The following KDM5A variants were observed in gnomAD, a reference collection of about 807,000 sequenced individuals.
KDM5A encodes lysine demethylase 5A.
KDM5A carries 42 observed loss-of-function variants against 193.5 expected under a neutral mutation model. The ratio of observed to expected loss-of-function variants is 0.22; its 90% confidence interval spans 0.17 to 0.28. The LOEUF is 0.28. Ranked by LOEUF, KDM5A falls within the 10% of genes least tolerant of loss-of-function variation. The pLI is 1.00. For missense variants in KDM5A, 1,692 were observed against 2,055.1 expected, an observed-to-expected ratio of 0.82 and a Z score of 3.42; for synonymous variants, 796 against 718.1, an observed-to-expected ratio of 1.11 and a Z score of -1.73.
In KDM5A at chr12:293,235, A is replaced by C. The variant is rs181031981; in HGVS notation, c.4456-66T>G. On this transcript the variant is annotated intron_variant, in intron 26 of 27. Coordinates refer to ENST00000399788, the MANE Select transcript of KDM5A (RefSeq NM_001042603.3). ...AGTTAAAAAACAGTATTACTCTCTTATATGAGGTACCTAGAATAGACACAT... is the reference window on the plus strand; with the variant it reads ...AGTTAAAAAACAGTATTACTCTCTTCTATGAGGTACCTAGAATAGACACAT... 3.7e-6 allele frequency: 5 copies of C among 1,351,668 alleles called. No individual in the cohort carries two copies. The East Asian group carries it at 1.2e-4, about 31-fold the overall frequency. 83.7% of individuals were successfully genotyped at this position (1,351,668 alleles called of 1,614,324 possible). A position where few individuals can be genotyped will look rare whatever the true frequency, so the allele number is the denominator to read the frequency against.
intron 10 of KDM5A, among the ~76,000 whole-genome samples, chr12:345,959 A>C (rs1944068124): frequency 6.6e-6 from 1 of 152,196 alleles, no homozygotes. Flanking sequence ...AACCTTCAAA[A>C]CATCAATTAA....
intron 26 of KDM5A, 23 bp downstream of exon 26, chr12:295,550 T>TATTTA (rs1158058494): frequency 1.9e-6 from 3 of 1,605,494 alleles, no homozygotes; most frequent in Non-Finnish European, 1.7e-6. Flanking sequence ...TAACCACTGT[T>TATTTA]TAAATAAGTA....
At chr12:311,218 G>A in intron 20 of KDM5A, 154 bp from the exon 21 acceptor site, 1 of 693,254 alleles carries the variant, frequency 1.4e-6, no homozygotes, top group South Asian at 1.8e-5. Context: ...AACTTCCAAT[G>A]TCCTATTTTT....
At chr12:359,544 A>G (rs1054216684) in intron 5 of KDM5A, among the ~76,000 whole-genome samples, 1 of 151,338 alleles carries the variant, frequency 6.6e-6, no homozygotes, top group African/African-American at 2.4e-5. Context: ...TCGAGCCCAG[A>G]GACCAACCTG....
rs771403046 is a variant in KDM5A, at chr12:389,251, C to A, written c.-160G>T. The stretch of plus-strand genomic sequence containing the variant: ...AAACCCCAGAATCGCTTCCTCCTCC[C>A]GTTTGTTATTGTTTCTTGCAAGGCT... On this transcript the variant is annotated 5_prime_UTR_variant, in exon 1 of 28. Transcript: ENST00000399788. The A allele has an allele frequency of 2.1e-5, 16 of 767,094 alleles. No individual in the cohort carries two copies. The highest frequency in any genetic ancestry group is 3.2e-5 in the Non-Finnish European group (14 of 437,314). The allele number at this position is 767,094 out of a possible 1,614,324, so 47.5% of individuals were successfully genotyped here. A position where few individuals can be genotyped will look rare whatever the true frequency, so the allele number is the denominator to read the frequency against.
At chr12:375,179 T>G (rs1410632522) in intron 3 of KDM5A, among the ~76,000 whole-genome samples, 1 of 152,226 alleles carries the variant, frequency 6.6e-6, no homozygotes, top group African/African-American at 2.4e-5. Flanking sequence ...GTTTTCCAGC[T>G]TGGTTCCATT....
intron 10 of KDM5A, among the ~76,000 whole-genome samples, chr12:339,741 G>C (rs558114319): frequency 6.4e-4 from 98 of 152,182 alleles, no homozygotes; most frequent in African/African-American, 2.2e-3. Flanking sequence ...AAATAATACA[G>C]GCCGCCAGCC....
chr12:325,321 A>G lies in KDM5A; in HGVS notation c.1969-1540T>C, dbSNP rs557622715. Among the ~76,000 whole-genome samples, 7 of 152,360 alleles carry G rather than the reference A, an allele frequency of 4.6e-5. No individual in the cohort carries two copies. The East Asian group carries it at 1.3e-3, about 29-fold the overall frequency. ...AACTGAGACACTTCTGGCTGCTTCA[A>G]GAAATTTTATACCATTTCCCAAAGT... On this transcript the variant is annotated intron_variant, in intron 14 of 27. Coordinates refer to ENST00000399788, the MANE Select transcript of KDM5A (RefSeq NM_001042603.3).
intron 3 of KDM5A, among the ~76,000 whole-genome samples, chr12:377,245 A>T (rs1944517942): frequency 6.6e-6 from 1 of 152,208 alleles, no homozygotes; most frequent in South Asian, 2.1e-4. Flanking sequence ...AGGTAAGTAA[A>T]CTAAAGGACC....
chr12:306,133 A>C (rs1476452690), intron 24 of KDM5A, among the ~76,000 whole-genome samples: 2 of 151,914 alleles, frequency 1.3e-5, no homozygotes, highest in Admixed American at 1.3e-4. Flanking sequence ...TACCACACCC[A>C]ACTAATTTTT....
intron 3 of KDM5A, among the ~76,000 whole-genome samples, chr12:374,396 C>A (rs1003950702): frequency 6.6e-6 from 1 of 152,244 alleles, no homozygotes; most frequent in East Asian, 1.9e-4. Context: ...AGGATTGCAA[C>A]CCCTGCCTTT....
chr12:381,913 C>A (rs1944577950), intron 3 of KDM5A, among the ~76,000 whole-genome samples: 1 of 152,202 alleles, frequency 6.6e-6, no homozygotes, highest in African/African-American at 2.4e-5. Flanking sequence ...CTCAAGCAAT[C>A]CTCCTGCCTC....
At chr12:342,924 T>C (rs1273987073) in intron 10 of KDM5A, among the ~76,000 whole-genome samples, 1 of 152,064 alleles carries the variant, frequency 6.6e-6, no homozygotes, top group African/African-American at 2.4e-5. Flanking sequence ...CTGGGACTGC[T>C]TGGACAGTGG....
chr12:319,134 G>C (rs1943685230), intron 18 of KDM5A, among the ~76,000 whole-genome samples: 1 of 152,194 alleles, frequency 6.6e-6, no homozygotes, highest in South Asian at 2.1e-4. Context: ...CAATGAGTTT[G>C]AATTTCATTC....
chr12:307,600 GC>G lies in KDM5A; in HGVS notation c.3783del (p.Gln1262ArgfsTer3), dbSNP rs1230691566. ...ERAMSWQDRA[R>X]QALATDELSS... ...GATAGTTCATCTGTGGCTAGAGCCT[GC>G]CGCGCTCTATCTTGCCAACTCATAG... On this transcript the variant is annotated frameshift_variant, in exon 23 of 28. Transcript: ENST00000399788. LOFTEE classifies it high-confidence loss of function. The surrounding 1 kb of genome is among the most constrained non-coding windows in gnomAD (Gnocchi z 4.3). 6.2e-7 allele frequency: 1 copy of G among 1,614,048 alleles called. No individual in the cohort carries two copies. Among genetic ancestry groups the G allele is most frequent in the Admixed American group, 1.7e-5 (1 of 60,002 alleles).
intron 3 of KDM5A, among the ~76,000 whole-genome samples, chr12:383,768 G>A (rs1054054057): frequency 6.7e-6 from 1 of 148,236 alleles, no homozygotes; most frequent in Admixed American, 6.7e-5. Flanking sequence ...TTTTTTTTGA[G>A]ACCGAGTTTT....
chr12:377,030 C>G (rs200427029), intron 3 of KDM5A, among the ~76,000 whole-genome samples: 1 of 94,934 alleles, frequency 1.1e-5, no homozygotes, highest in Non-Finnish European at 2.9e-5. Context: ...TTTTCTAAAA[C>G]AAGGAAAAAA....
Position 309,962 on chromosome 12 carries a change from C to T in KDM5A, c.3219G>A (p.Val1073=), listed in dbSNP as rs745567712. The change falls in exon 22 of 28, where the codon GTG becomes GTA. Residue 1073 remains valine (V), a splice_region_variant and synonymous_variant. Coordinates refer to ENST00000399788, the MANE Select transcript of KDM5A (RefSeq NM_001042603.3). Reference sequence around the variant, plus strand: ...CACCAATGTCGGTCCGGGGGCTCAGCACCTACAAAAATAAAACCACCATTA... The same window carrying T: ...CACCAATGTCGGTCCGGGGGCTCAGTACCTACAAAAATAAAACCACCATTA... ...KKNSSHTLLQ[V]LSPRTDIGVY... 1 of 1,612,180 alleles carries T rather than the reference C, an allele frequency of 6.2e-7. No homozygotes were observed. Among genetic ancestry groups the T allele is most frequent in the South Asian group, 1.1e-5 (1 of 90,552 alleles).
At chr12:292,633 A>G in intron 27 of KDM5A, 126 bp downstream of exon 27, 1 of 1,174,740 alleles carries the variant, frequency 8.5e-7, no homozygotes, top group Non-Finnish European at 1.3e-6. Context: ...AAATTGTACA[A>G]AAGACATTAT....
Sources: gnomAD v4.1 joint callset for allele counts (sites outside exome capture counted in the v4.1 genomes callset) on GRCh38, gnomAD v4.1.1 for gene constraint, Gnocchi (gnomAD v3.1) non-coding constraint, MANE v1.5 for transcripts, NCBI Gene and HGNC (gene_info 2026-07-23, HGNC 2026-07-21) for gene names.